LPA: variants seen among roughly 807,000 people sequenced by gnomAD.
LPA encodes the protein lipoprotein(a).
In LPA, 199 loss-of-function variants were observed where a neutral mutation model predicts 197.9. The ratio of observed to expected loss-of-function variants is 1.01; its 90% CI spans 0.90 to 1.13. The LOEUF is 1.13. LPA is among the 50% of genes most tolerant of loss of function. LPA has a pLI of 0.00. For missense variants in LPA, 1,853 were observed against 1,785.8 expected (o/e 1.04, Z -0.68); for synonymous variants, 715 against 639.5 (o/e 1.12, Z -1.78).
chr6:160,555,659 C>G (rs1778250764), intron 30 of LPA, among the ~76,000 whole-genome samples: 1 of 151,390 alleles, frequency 6.6e-6, no homozygotes, highest in South Asian at 2.1e-4. Flanking sequence ...TGGCAAAAAG[C>G]CTTCATTTCA....
chr6:160,578,274 A>T (rs749397835), intron 27 of LPA, among the ~76,000 whole-genome samples: 11 of 152,074 alleles, frequency 7.2e-5, no homozygotes, highest in Non-Finnish European at 1.5e-4. Flanking sequence ...TAACCAGGGG[A>T]GTGGTAAGTC....
intron 28 of LPA, among the ~76,000 whole-genome samples, chr6:160,559,825 T>C (rs746042703): frequency 1.3e-5 from 2 of 152,340 alleles, no homozygotes; most frequent in Admixed American, 6.5e-5. Flanking sequence ...AGTTCTGAGA[T>C]ACATGTGTAG....
chr6:160,662,236 A>C (rs1780238883), intron 1 of LPA, among the ~76,000 whole-genome samples: 1 of 152,142 alleles, frequency 6.6e-6, no homozygotes, highest in Admixed American at 6.5e-5. Context: ...ATACTTTTAT[A>C]TTATAGGCAA....
rs570996250 is a variant in LPA at position 160,650,479 on chromosome 6, T to A, written c.68A>T (p.His23Leu). ...ACCATGGTAGCAATCCTGGACCACA[T>A]GGCTTTGCTCAGGTGCTGCTAAAAT... ...FLKSAAPEQS[H>L]VVQDCYHGDG... Residue 23 changes from histidine (H) to leucine (L), a missense_variant, in exon 2 of 39, where the codon CAT (histidine) becomes CTT (leucine). His to Leu is a moderately conservative substitution (Grantham distance 99, BLOSUM62 -3). Around this residue, in one of 3 missense-constraint regions of LPA, gnomAD observed 88 missense variants for 83.0 expected, o/e 1.06. Coordinates refer to ENST00000316300, the MANE Select transcript of LPA (RefSeq NM_005577.4). 5 of 1,613,696 alleles carry A rather than the reference T, an allele frequency of 3.1e-6. No individual in the cohort carries two copies. The highest frequency in any genetic ancestry group is 4.2e-6 in the Non-Finnish European group (5 of 1,179,718).
At chr6:160,653,354 CA>C (rs1780039034) in intron 1 of LPA, among the ~76,000 whole-genome samples, 2 of 151,832 alleles carry the variant, frequency 1.3e-5, no homozygotes, top group South Asian at 4.2e-4. Flanking sequence ...CCTCAGTAGT[CA>C]ATAAAAAAAG....
chr6:160,658,623 T>A (rs1780170132), intron 1 of LPA, among the ~76,000 whole-genome samples: 3 of 152,188 alleles, frequency 2.0e-5, no homozygotes, highest in South Asian at 4.1e-4. Context: ...AAGTGATGAA[T>A]CAGTAGTGTC....
At chr6:160,588,938 G>T (rs980147594) in intron 24 of LPA, among the ~76,000 whole-genome samples, 1 of 152,184 alleles carries the variant, frequency 6.6e-6, no homozygotes, top group African/African-American at 2.4e-5. Context: ...AGAAAGGCTG[G>T]CATAGCCAGA....
intron 32 of LPA, 139 bp downstream of exon 32, chr6:160,547,650 C>T (rs1297122439): frequency 2.8e-5 from 32 of 1,138,942 alleles, no homozygotes; most frequent in South Asian, 1.9e-4. Context: ...GCTTTGCTGG[C>T]CTGTGCTGCT....
At chr6:160,572,012 C>T (rs1427037144) in intron 28 of LPA, among the ~76,000 whole-genome samples, 1 of 152,174 alleles carries the variant, frequency 6.6e-6, no homozygotes, top group Non-Finnish European at 1.5e-5. Flanking sequence ...GTGTAGGCAC[C>T]CAAGGGAATC....
rs750090409 is a variant in LPA, at chr6:160,531,804, G to A, written c.6048C>T (p.Arg2016=). 1.2e-6 allele frequency: 2 copies of A among 1,614,074 alleles called. No individual in the cohort carries two copies. Among genetic ancestry groups the A allele is most frequent in the South Asian group, 2.2e-5 (2 of 91,074 alleles). The change falls in exon 39 of 39, where the codon CGC becomes CGT. Residue 2016 remains arginine, a synonymous_variant. Coordinates refer to ENST00000316300, the MANE Select transcript of LPA (RefSeq NM_005577.4). ...GAGCATAGACACCAGGCTTATTGGGGCGTGCACAGCCAAGACCCCAAGAAG... is the reference window on the plus strand; with the variant it reads ...GAGCATAGACACCAGGCTTATTGGGACGTGCACAGCCAAGACCCCAAGAAG... ...GVTSWGLGCA[R]PNKPGVYARV...
chr6:160,587,534 T>C (rs1778933933), intron 24 of LPA, among the ~76,000 whole-genome samples: 1 of 152,212 alleles, frequency 6.6e-6, no homozygotes, highest in African/African-American at 2.4e-5. Context: ...TCATAGAGTT[T>C]TGCTCTTTAA....
chr6:160,556,610 G>A (rs1317140928), intron 29 of LPA, among the ~76,000 whole-genome samples: 1 of 152,102 alleles, frequency 6.6e-6, no homozygotes, highest in Non-Finnish European at 1.5e-5. Context: ...AAAAGCCAAA[G>A]CCTTAAGCTT....
intron 1 of LPA, among the ~76,000 whole-genome samples, chr6:160,658,891 TG>T (rs1469890976): frequency 2.3e-4 from 34 of 149,044 alleles, no homozygotes; most frequent in African/African-American, 8.4e-4. Context: ...TATATATATA[TG>T]AGAGAGAGAG....
At chr6:160,660,768 C>CAA (rs150415123) in intron 1 of LPA, among the ~76,000 whole-genome samples, 7 of 146,094 alleles carry the variant, frequency 4.8e-5, no homozygotes, top group South Asian at 2.2e-4. Context: ...AAAAATTAAG[C>CAA]AAAAAAAAAA....
At chr6:160,635,476 C>T (rs1779798600) in intron 6 of LPA, among the ~76,000 whole-genome samples, 172 bp from the exon 7 acceptor site, 1 of 98,538 alleles carries the variant, frequency 1.0e-5, no homozygotes, top group Non-Finnish European at 2.0e-5. Flanking sequence ...CTAATCCTCT[C>T]TGCACATCTC....
intron 19 of LPA, among the ~76,000 whole-genome samples, chr6:160,600,125 A>G (rs774767748): frequency 6.6e-6 from 1 of 152,190 alleles, no homozygotes; most frequent in African/African-American, 2.4e-5. Context: ...AGAAAGCATT[A>G]AACTCCTGGT....
rs932171816 is a variant in LPA at position 160,606,531 on chromosome 6, C to T, written c.2731G>A (p.Val911Ile). Reference protein sequence around the residue: ...TQCSDAEGTAVAPPTITPIPS... With the variant: ...TQCSDAEGTAIAPPTITPIPS... ...ATCGGGGTAATAGTTGGAGGCGCGA[C>T]GGCAGTCCCTTCTGCGTCTGAGCAT... Residue 911 changes from valine to isoleucine, a missense_variant, in exon 17 of 39, where the codon GTC becomes ATC. By Grantham distance (29) the Val-to-Ile change is conservative. Around this residue, in one of 3 missense-constraint regions of LPA, gnomAD observed 1,737 missense variants for 1,504.4 expected, o/e 1.15. Coordinates refer to ENST00000316300, the MANE Select transcript of LPA (RefSeq NM_005577.4). The T allele has an allele frequency of 9.3e-6, 15 of 1,613,620 alleles. No individual in the cohort carries two copies. Among genetic ancestry groups the T allele is most frequent in the Middle Eastern group, 1.7e-4 (1 of 5,722 alleles).
At chr6:160,574,306 A>T (rs1349242049) in intron 28 of LPA, among the ~76,000 whole-genome samples, 4 of 152,102 alleles carry the variant, frequency 2.6e-5, no homozygotes, top group African/African-American at 9.7e-5. Context: ...TCAGGCTTGA[A>T]AACTTGCCTG....
At chr6:160,609,767 G>C (rs539654424) in intron 16 of LPA, among the ~76,000 whole-genome samples, 45 of 152,006 alleles carry the variant, frequency 3.0e-4, no homozygotes, top group Non-Finnish European at 5.6e-4. Context: ...GTGCATGTGT[G>C]TGTGTGTTTG....
Sources: allele counts gnomAD v4.1 joint callset (sites outside exome capture counted in the v4.1 genomes callset), GRCh38; gene constraint gnomAD v4.1.1; regional missense constraint gnomAD v4.1.1; transcripts MANE v1.5; gene names NCBI Gene and HGNC (gene_info 2026-07-23, HGNC 2026-07-21).